Variants in FGF12 observed in about 807,000 individuals in gnomAD.
FGF12 encodes fibroblast growth factor 12.
FGF12 carries 14 observed loss-of-function variants against 23.6 expected under a neutral mutation model. The ratio of observed to expected loss-of-function variants is 0.59; its 90% CI spans 0.39 to 0.93. The LOEUF (loss-of-function observed/expected upper bound fraction) is 0.93. Among genes scored for constraint, FGF12 ranks in the 40% least tolerant of loss-of-function variants. The pLI is 0.00. For synonymous variants in FGF12, 62 were observed against 77.3 expected (o/e 0.80, Z 1.04); for missense variants, 175 against 217.8 (o/e 0.80, Z 1.24).
At chr3:192,410,212 T>A (rs1721153364) in intron 2 of FGF12, among the ~76,000 whole-genome samples, 1 of 152,182 alleles carries the variant, frequency 6.6e-6, no homozygotes, top group Non-Finnish European at 1.5e-5. Flanking sequence ...CGCGCTCTAG[T>A]CAGGTTCCCT....
intron 4 of FGF12, among the ~76,000 whole-genome samples, chr3:192,290,773 CT>C (rs1336151160): frequency 1.3e-5 from 2 of 152,066 alleles, no homozygotes; most frequent in East Asian, 3.9e-4. Context: ...TAAAGTGACT[CT>C]TTGTTAAAAC....
intron 2 of FGF12, among the ~76,000 whole-genome samples, chr3:192,651,935 C>G (rs1002845496): frequency 1.3e-5 from 2 of 152,146 alleles, no homozygotes; most frequent in Non-Finnish European, 2.9e-5. Context: ...ATCAATGCAA[C>G]CCCTCCCTCC....
At chr3:192,707,468 C>G (rs546990881) in intron 2 of FGF12, among the ~76,000 whole-genome samples, 12 of 152,232 alleles carry the variant, frequency 7.9e-5, no homozygotes, top group African/African-American at 2.9e-4. Flanking sequence ...AGAACAATAG[C>G]TGGGTGCGGT....
rs1713318632 is a variant in FGF12 at position 192,140,670 on chromosome 3, T to C, written c.*3339A>G. On this transcript the variant is annotated 3_prime_UTR_variant, in exon 6 of 6. Coordinates refer to ENST00000445105, the MANE Select transcript of FGF12 (RefSeq NM_004113.6). ...GCTATTTTATTAAACAGAAGAGTCT[T>C]AGTTCTTTTAAACAAGCTTTCTGAA... 6.6e-6 allele frequency: 1 copy of C among 152,056 alleles called. No individual in the cohort carries two copies. Among genetic ancestry groups the C allele is most frequent in the Non-Finnish European group, 1.5e-5 (1 of 67,900 alleles). 9.4% of individuals were successfully genotyped at this position (152,056 alleles called of 1,614,324 possible).
chr3:192,468,564 T>C (rs1723074048), intron 2 of FGF12, among the ~76,000 whole-genome samples: 1 of 152,214 alleles, frequency 6.6e-6, no homozygotes, highest in African/African-American at 2.4e-5. Flanking sequence ...TTTGAAAGGA[T>C]GCCACAAAAA....
intron 2 of FGF12, among the ~76,000 whole-genome samples, chr3:192,384,559 C>A (rs1045468144): frequency 3.3e-5 from 5 of 152,170 alleles, no homozygotes; most frequent in Non-Finnish European, 7.3e-5. Context: ...TGTTGAGGAG[C>A]TCCCAAATGT....
At chr3:192,627,685 G>T (rs1002233165) in intron 2 of FGF12, among the ~76,000 whole-genome samples, 1 of 152,138 alleles carries the variant, frequency 6.6e-6, no homozygotes, top group East Asian at 1.9e-4. Flanking sequence ...CAAGATAATT[G>T]CAGATTCACA....
chr3:192,299,278 G>T (rs1715213070), intron 4 of FGF12, among the ~76,000 whole-genome samples: 1 of 152,194 alleles, frequency 6.6e-6, no homozygotes, highest in East Asian at 1.9e-4. Context: ...ATTTGTAGCT[G>T]AAATTATATC....
chr3:192,283,850 G>A (rs569571622), intron 4 of FGF12, among the ~76,000 whole-genome samples: 2 of 151,970 alleles, frequency 1.3e-5, no homozygotes, highest in Non-Finnish European at 2.9e-5. Flanking sequence ...CTATTTCCAC[G>A]TGGTCAGCAC....
intron 2 of FGF12, among the ~76,000 whole-genome samples, chr3:192,455,175 A>G (rs1722641719): frequency 6.6e-6 from 1 of 152,200 alleles, no homozygotes; most frequent in African/African-American, 2.4e-5. Flanking sequence ...AATATGATGT[A>G]CAGAAAGTTT....
intron 4 of FGF12, among the ~76,000 whole-genome samples, chr3:192,217,532 T>C (rs947869184): frequency 5.9e-5 from 9 of 152,178 alleles, no homozygotes; most frequent in Non-Finnish European, 1.2e-4. Flanking sequence ...TAAAAACACA[T>C]GGAGCTGTAA....
At chr3:192,177,019 C>T (rs1267071268) in intron 4 of FGF12, among the ~76,000 whole-genome samples, 1 of 152,178 alleles carries the variant, frequency 6.6e-6, no homozygotes, top group African/African-American at 2.4e-5. Flanking sequence ...CAAGGTCCTA[C>T]AGAATAATTA....
chr3:192,206,536 A>G (rs1386588208), intron 4 of FGF12, among the ~76,000 whole-genome samples: 2 of 152,222 alleles, frequency 1.3e-5, no homozygotes, highest in African/African-American at 4.8e-5. Flanking sequence ...CAAAAGAAAT[A>G]TTAATGCACT....
chr3:192,647,587 T>C (rs1384893416), intron 2 of FGF12, among the ~76,000 whole-genome samples: 1 of 151,560 alleles, frequency 6.6e-6, no homozygotes, highest in Non-Finnish European at 1.5e-5. Flanking sequence ...TAGTCAATAA[T>C]CAAAGAATGA....
At chr3:192,701,600 G>A (rs1718298786) in intron 2 of FGF12, among the ~76,000 whole-genome samples, 2 of 152,156 alleles carry the variant, frequency 1.3e-5, no homozygotes, top group Non-Finnish European at 2.9e-5. Flanking sequence ...TCTACTTGCT[G>A]CGATCTTTAC....
chr3:192,325,278 T>C (rs1716759423), intron 4 of FGF12, among the ~76,000 whole-genome samples: 1 of 152,162 alleles, frequency 6.6e-6, no homozygotes, highest in Non-Finnish European at 1.5e-5. Flanking sequence ...TTCCAAGTGC[T>C]ATACCCCCCA....
chr3:192,246,950 GAA>G (rs991900405), intron 4 of FGF12, among the ~76,000 whole-genome samples: 2 of 126,548 alleles, frequency 1.6e-5, no homozygotes, highest in Non-Finnish European at 3.3e-5. Flanking sequence ...GAAAGAAAAA[GAA>G]AAGGAAAGAG....
chr3:192,561,589 C>T (rs564131069), intron 2 of FGF12, among the ~76,000 whole-genome samples: 2 of 152,246 alleles, frequency 1.3e-5, no homozygotes, highest in East Asian at 1.9e-4. Flanking sequence ...GTCTCGATCT[C>T]CTGACCTTGT....
chr3:192,317,869 C>A (rs942077733), intron 4 of FGF12, among the ~76,000 whole-genome samples: 18 of 152,224 alleles, frequency 1.2e-4, no homozygotes, highest in South Asian at 2.1e-4. Flanking sequence ...CAGCTCCAGG[C>A]AGCTTAGCAC....
Sources: allele counts gnomAD v4.1 joint callset (sites outside exome capture counted in the v4.1 genomes callset), GRCh38; gene constraint gnomAD v4.1.1; transcripts MANE v1.5; gene names NCBI Gene and HGNC (gene_info 2026-07-23, HGNC 2026-07-21).